KCNQ5: variants seen among roughly 807,000 people sequenced by gnomAD.
KCNQ5 encodes potassium voltage-gated channel subfamily KQT member 5.
Under a neutral mutation model 98.2 loss-of-function variants are expected in KCNQ5, and 30 were observed. That is an observed-to-expected ratio of 0.31 (90% CI 0.23 to 0.41). The LOEUF (loss-of-function observed/expected upper bound fraction) is 0.41. Among genes scored for constraint, KCNQ5 ranks in the 10% least tolerant of loss-of-function variants. KCNQ5 has a pLI of 1.00. For missense variants in KCNQ5, 835 were observed against 1,182.5 expected, an observed-to-expected ratio of 0.71 and a Z score of 4.31; for synonymous variants, 458 against 449.4, an observed-to-expected ratio of 1.02 and a Z score of -0.24.
intron 5 of KCNQ5, among the ~76,000 whole-genome samples, chr6:73,085,208 A>G (rs1430610345): frequency 1.3e-5 from 2 of 152,172 alleles, no homozygotes; most frequent in East Asian, 3.9e-4. Context: ...AAAAATTAAC[A>G]TCTTTTTATT....
chr6:73,132,628 C>T (rs1366283677), intron 9 of KCNQ5, among the ~76,000 whole-genome samples: 1 of 152,192 alleles, frequency 6.6e-6, no homozygotes, highest in Non-Finnish European at 1.5e-5. Context: ...CTTTTATCAG[C>T]CCACAACAAT....
rs542274460 is a variant in KCNQ5, at chr6:72,822,064, A to T, written c.399-181844A>T. Among the ~76,000 whole-genome samples, 36 of 152,194 alleles carry T rather than the reference A, an allele frequency of 2.4e-4. No homozygotes were observed. The East Asian group carries it at 6.2e-3, about 26-fold the overall frequency. ...TCCCTAATAACCTAGGGCTCATAGCATGCTCCATAATGCCCTTTCTTTTCC... is the reference window on the plus strand; with the variant it reads ...TCCCTAATAACCTAGGGCTCATAGCTTGCTCCATAATGCCCTTTCTTTTCC... On this transcript the variant is annotated intron_variant, in intron 1 of 13. Coordinates refer to ENST00000370398, the MANE Select transcript of KCNQ5 (RefSeq NM_019842.4).
chr6:72,854,153 T>A (rs949216428), intron 1 of KCNQ5, among the ~76,000 whole-genome samples: 1 of 152,158 alleles, frequency 6.6e-6, no homozygotes. Context: ...AATGAGTTCT[T>A]CTCTGAAAAT....
Position 73,111,408 on chromosome 6 carries a change from A to T in KCNQ5, c.1125+5A>T. Reference sequence around the variant, plus strand: ...CCAGCTGCCAACCTCATTCAGGTAAATGTCAATGTAATAGGTAGATGGCAA... The same window carrying T: ...CCAGCTGCCAACCTCATTCAGGTAATTGTCAATGTAATAGGTAGATGGCAA... On this transcript the variant is annotated splice_donor_5th_base_variant and intron_variant, in intron 7 of 13. Coordinates refer to ENST00000370398, the MANE Select transcript of KCNQ5 (RefSeq NM_019842.4). The T allele has an allele frequency of 1.9e-6, 3 of 1,591,162 alleles. No homozygotes were observed. Among genetic ancestry groups the T allele is most frequent in the Non-Finnish European group, 2.6e-6 (3 of 1,165,044 alleles).
chr6:72,687,379 T>C (rs1768008910), intron 1 of KCNQ5, among the ~76,000 whole-genome samples: 1 of 152,234 alleles, frequency 6.6e-6, no homozygotes, highest in African/African-American at 2.4e-5. Flanking sequence ...ATTTAATCTG[T>C]TCAGCAAATA....
At chr6:72,810,660 C>A (rs570221080) in intron 1 of KCNQ5, among the ~76,000 whole-genome samples, 4 of 152,166 alleles carry the variant, frequency 2.6e-5, no homozygotes, top group African/African-American at 9.6e-5. Context: ...ATTATGACTG[C>A]GAGTAAGAGG....
chr6:73,091,557 T>C (rs1284266418), intron 5 of KCNQ5, among the ~76,000 whole-genome samples: 1 of 152,212 alleles, frequency 6.6e-6, no homozygotes, highest in Non-Finnish European at 1.5e-5. Context: ...GTTTGCTTTG[T>C]CCAAGATCAG....
chr6:73,149,832 G>GAGGAAGGAAGGA (rs571571935), intron 10 of KCNQ5, among the ~76,000 whole-genome samples: 1 of 141,150 alleles, frequency 7.1e-6, no homozygotes, highest in African/African-American at 3.0e-5. Context: ...GAGAGGGAGG[G>GAGGAAGGAAGGA]AGGAAGGAAG....
intron 1 of KCNQ5, among the ~76,000 whole-genome samples, chr6:72,721,876 T>C (rs1769976319): frequency 6.6e-6 from 1 of 152,184 alleles, no homozygotes; most frequent in Admixed American, 6.5e-5. Flanking sequence ...CCCCCAAAGA[T>C]GTCCATGTGC....
intron 11 of KCNQ5, among the ~76,000 whole-genome samples, chr6:73,171,661 C>T (rs1337790988): frequency 2.0e-5 from 3 of 152,212 alleles, no homozygotes; most frequent in African/African-American, 7.2e-5. Flanking sequence ...GTGGCTACTT[C>T]ATTAGACAAA....
chr6:73,138,277 C>T (rs866024834), intron 10 of KCNQ5, among the ~76,000 whole-genome samples: 2 of 152,056 alleles, frequency 1.3e-5, no homozygotes, highest in East Asian at 1.9e-4. Context: ...AGATTGCAAG[C>T]GAGAAATGGA....
chr6:73,150,898 A>G (rs1266834415), intron 10 of KCNQ5, among the ~76,000 whole-genome samples: 1 of 151,830 alleles, frequency 6.6e-6, no homozygotes, highest in Non-Finnish European at 1.5e-5. Flanking sequence ...TGCATATCAT[A>G]TTAGTGGTTG....
intron 1 of KCNQ5, among the ~76,000 whole-genome samples, chr6:72,974,757 T>G (rs1355493529): frequency 6.6e-6 from 1 of 152,092 alleles, no homozygotes; most frequent in Non-Finnish European, 1.5e-5. Flanking sequence ...TTTTTTTTTT[T>G]TAGATGGAGT....
At position 73,195,046 on chromosome 6, in the gene KCNQ5, G is replaced by A. The variant is rs753990151; in HGVS notation, c.2431G>A (p.Gly811Arg). 1 of 1,614,170 alleles carries A rather than the reference G, an allele frequency of 6.2e-7. No homozygotes were observed. Among genetic ancestry groups the A allele is most frequent in the Non-Finnish European group, 8.5e-7 (1 of 1,180,040 alleles). Reference protein sequence around the residue: ...DRSMRKSFDMGGETLLSVCPM... With the variant: ...DRSMRKSFDMRGETLLSVCPM... ...TTCTATGAGGAAAAGCTTTGACATG[G>A]GAGGAGAAACTCTGTTGTCTGTCTG... Residue 811 changes from glycine (G) to arginine (R), a missense_variant, in exon 14 of 14, where the codon GGA becomes AGA. Physicochemically the swap from Gly to Arg is moderately radical, Grantham distance 125. Around this residue, in one of 10 missense-constraint regions of KCNQ5, gnomAD observed 416 missense variants for 446.9 expected, o/e 0.93. Transcript: ENST00000370398.
intron 1 of KCNQ5, among the ~76,000 whole-genome samples, chr6:72,657,516 T>C (rs1766259390): frequency 1.3e-5 from 2 of 152,220 alleles, no homozygotes; most frequent in Admixed American, 1.3e-4. Flanking sequence ...AAGAGGTTAT[T>C]TATTTTACTT....
intron 1 of KCNQ5, among the ~76,000 whole-genome samples, chr6:72,860,350 A>G (rs1364154291): frequency 6.6e-6 from 1 of 151,852 alleles, no homozygotes; most frequent in Non-Finnish European, 1.5e-5. Context: ...CCTTTTCAAC[A>G]TGCTCAGTCT....
chr6:72,987,711 T>C, intron 1 of KCNQ5: 1 of 557,898 alleles, frequency 1.8e-6, no homozygotes, highest in Admixed American at 2.7e-5. Flanking sequence ...TCTTTTATAT[T>C]CATAGGAACG....
At chr6:73,158,057 T>A in intron 10 of KCNQ5, 1 of 610,132 alleles carries the variant, frequency 1.6e-6, no homozygotes, top group Non-Finnish European at 3.0e-6. Context: ...CCGGACCTCC[T>A]CTTCCAGGAC....
At chr6:72,626,697 AT>A (rs2098918144) in intron 1 of KCNQ5, among the ~76,000 whole-genome samples, 1 of 152,234 alleles carries the variant, frequency 6.6e-6, no homozygotes, top group Admixed American at 6.5e-5. Context: ...TCATTGTTGC[AT>A]TCATTTATTC....
Sources: gnomAD v4.1 joint callset for allele counts (sites outside exome capture counted in the v4.1 genomes callset) on GRCh38, gnomAD v4.1.1 for gene constraint, gnomAD v4.1.1 regional missense constraint, MANE v1.5 for transcripts, NCBI Gene and HGNC (gene_info 2026-07-23, HGNC 2026-07-21) for gene names.